LDB2: variants seen among roughly 807,000 people sequenced by gnomAD.
The protein encoded by LDB2 is LIM domain-binding protein 2.
A neutral mutation model predicts 44.3 loss-of-function variants in LDB2; 12 were observed. The ratio of observed to expected loss-of-function variants is 0.27; its 90% CI spans 0.17 to 0.44. The LOEUF (loss-of-function observed/expected upper bound fraction) is 0.44, where lower values mean the gene tolerates loss of function less well. LDB2 is among the 20% of genes least tolerant of loss of function. The pLI, the probability that LDB2 is intolerant of heterozygous loss-of-function variation, is 1.00. For missense variants in LDB2, 344 were observed against 473.5 expected (o/e 0.73, Z 2.54); for synonymous variants, 164 against 174.8 (o/e 0.94, Z 0.49).
chr4:16,553,513 C>G (rs1254176776), intron 5 of LDB2, among the ~76,000 whole-genome samples: 1 of 152,106 alleles, frequency 6.6e-6, no homozygotes, highest in Non-Finnish European at 1.5e-5. Flanking sequence ...AAAACTGAGG[C>G]ATGGAGAGGT....
chr4:16,630,160 A>G (rs1407665471), intron 2 of LDB2, among the ~76,000 whole-genome samples: 1 of 152,240 alleles, frequency 6.6e-6, no homozygotes, highest in African/African-American at 2.4e-5. Flanking sequence ...GTGGAAATGA[A>G]GGAAAAAATG....
chr4:16,793,230 T>G (rs1261093286), intron 1 of LDB2, among the ~76,000 whole-genome samples: 2 of 152,134 alleles, frequency 1.3e-5, no homozygotes, highest in Non-Finnish European at 2.9e-5. Context: ...TTTTGTGCCC[T>G]TTTTTTGGTC....
intron 2 of LDB2, among the ~76,000 whole-genome samples, chr4:16,635,026 C>A (rs549121632): frequency 1.5e-3 from 224 of 152,228 alleles, no homozygotes; most frequent in African/African-American, 5.0e-3. Flanking sequence ...TCATTCTCAG[C>A]AAACTATCAC....
intron 2 of LDB2, among the ~76,000 whole-genome samples, chr4:16,624,920 T>C (rs886768362): frequency 2.0e-5 from 3 of 152,186 alleles, no homozygotes; most frequent in Non-Finnish European, 4.4e-5. Flanking sequence ...ATGGTTAAAA[T>C]ACTCAGAGCT....
At chr4:16,595,302 T>C (rs1195798383) in intron 3 of LDB2, among the ~76,000 whole-genome samples, 14 of 152,132 alleles carry the variant, frequency 9.2e-5, no homozygotes, top group Non-Finnish European at 4.4e-5. Context: ...CTTATTCAAA[T>C]TTGAATCCAG....
chr4:16,517,674 G>A (rs1179979364), intron 5 of LDB2, among the ~76,000 whole-genome samples: 1 of 152,196 alleles, frequency 6.6e-6, no homozygotes, highest in African/African-American at 2.4e-5. Context: ...TAAACATGGT[G>A]TCCCTGTCAA....
chr4:16,508,531 T>C lies in LDB2; in HGVS notation c.891+4A>G. On this transcript the variant is annotated splice_donor_region_variant and intron_variant, in intron 7 of 7. Coordinates refer to ENST00000304523, the MANE Select transcript of LDB2 (RefSeq NM_001290.5). ...TTCGGGCCTAAGAGGAAAGCGAGAC[T>C]TACAGGTACCTGACTGGACAGACTC... is the stretch of plus-strand genomic sequence containing the variant. The C allele has an allele frequency of 6.4e-7, 1 of 1,560,954 alleles. No homozygotes were observed. Among genetic ancestry groups the C allele is most frequent in the Non-Finnish European group, 8.7e-7 (1 of 1,149,666 alleles).
intron 1 of LDB2, among the ~76,000 whole-genome samples, chr4:16,878,437 T>C (rs532669770): frequency 6.2e-4 from 95 of 152,296 alleles, no homozygotes; most frequent in African/African-American, 2.2e-3. Flanking sequence ...CAATTCACTG[T>C]CATCTTTTAC....
chr4:16,566,092 T>C lies in LDB2; in HGVS notation c.615+19830A>G, dbSNP rs184269793. Among the ~76,000 whole-genome samples, 33 of 151,994 alleles carry C rather than the reference T, an allele frequency of 2.2e-4. No individual in the cohort carries two copies. In the East Asian group the frequency reaches 5.6e-3, roughly 26 times the overall value. ...TTTTGAACAGAAAGACAAAACATCATCATAATAGCAATTTTCCCAACATAA... is the reference window on the plus strand; with the variant it reads ...TTTTGAACAGAAAGACAAAACATCACCATAATAGCAATTTTCCCAACATAA... On this transcript the variant is annotated intron_variant, in intron 5 of 7. Coordinates refer to ENST00000304523, the MANE Select transcript of LDB2 (RefSeq NM_001290.5).
intron 2 of LDB2, among the ~76,000 whole-genome samples, chr4:16,755,832 C>T (rs752410350): frequency 7.2e-5 from 11 of 152,050 alleles, no homozygotes; most frequent in Non-Finnish European, 1.5e-4. Flanking sequence ...TTGTCCAGGG[C>T]GGGGGCAGGC....
At chr4:16,553,726 A>T (rs1015227420) in intron 5 of LDB2, among the ~76,000 whole-genome samples, 10 of 152,184 alleles carry the variant, frequency 6.6e-5, no homozygotes, top group South Asian at 2.1e-4. Context: ...GCAGTTCTTA[A>T]CAGTGAAGAA....
intron 2 of LDB2, among the ~76,000 whole-genome samples, chr4:16,628,453 A>G (rs1730912326): frequency 6.6e-6 from 1 of 152,054 alleles, no homozygotes; most frequent in African/African-American, 2.4e-5. Flanking sequence ...TTGATAGTGT[A>G]TTTGCATCAG....
intron 2 of LDB2, among the ~76,000 whole-genome samples, chr4:16,677,384 A>G (rs180887361): frequency 2.1e-3 from 316 of 152,358 alleles, no homozygotes; most frequent in Non-Finnish European, 2.4e-3. Flanking sequence ...CAGAAGGGAG[A>G]AAAGCTCTGA....
At chr4:16,868,551 A>G (rs1561489322) in intron 1 of LDB2, among the ~76,000 whole-genome samples, 1 of 152,160 alleles carries the variant, frequency 6.6e-6, no homozygotes, top group South Asian at 2.1e-4. Flanking sequence ...CTTAAGGCAA[A>G]GCAAAACGAA....
chr4:16,898,615 G>T lies in LDB2; in HGVS notation c.-130C>A, dbSNP rs1725989292. 4 of 799,012 alleles carry T rather than the reference G, an allele frequency of 5.0e-6. No individual in the cohort carries two copies. The Admixed American group carries it at 1.1e-4, about 21-fold the overall frequency. The allele number at this position is 799,012 out of a possible 1,614,324, so 49.5% of individuals were successfully genotyped here. A position where few individuals can be genotyped will look rare whatever the true frequency, so the allele number is the denominator to read the frequency against. ...CTCACACACACACAGAGGCAGGCAG[G>T]CAGGCAGGCTGAACACGCTGGCTGG... On this transcript the variant is annotated 5_prime_UTR_variant, in exon 1 of 8. Transcript: ENST00000304523.
intron 2 of LDB2, among the ~76,000 whole-genome samples, chr4:16,666,909 C>T (rs896488217): frequency 2.0e-5 from 3 of 152,068 alleles, no homozygotes; most frequent in African/African-American, 7.2e-5. Flanking sequence ...TTATTCCCTC[C>T]ACATTGGTCA....
intron 5 of LDB2, among the ~76,000 whole-genome samples, chr4:16,527,166 T>C (rs923841108): frequency 2.2e-4 from 33 of 152,182 alleles, no homozygotes; most frequent in Non-Finnish European, 3.4e-4. Flanking sequence ...GGGAACACAT[T>C]CCAGGCAGAG....
intron 2 of LDB2, among the ~76,000 whole-genome samples, chr4:16,632,896 A>C (rs889601792): frequency 4.6e-5 from 7 of 152,230 alleles, no homozygotes; most frequent in Non-Finnish European, 8.8e-5. Context: ...TCAAGGATCT[A>C]GAACTAGAAA....
intron 1 of LDB2, among the ~76,000 whole-genome samples, chr4:16,834,708 T>G (rs1784612857): frequency 6.6e-6 from 1 of 151,846 alleles, no homozygotes; most frequent in African/African-American, 2.4e-5. Flanking sequence ...GTGCGTGTAA[T>G]CCCCTCTACT....
Sources: allele counts gnomAD v4.1 joint callset (sites outside exome capture counted in the v4.1 genomes callset), GRCh38; gene constraint gnomAD v4.1.1; transcripts MANE v1.5; gene names NCBI Gene and HGNC (gene_info 2026-07-23, HGNC 2026-07-21).